The following CPZ variants were observed in gnomAD, a reference collection of about 807,000 sequenced individuals.
CPZ encodes carboxypeptidase Z.
Under a neutral mutation model 61.8 loss-of-function variants are expected in CPZ, and 103 were observed. The ratio of observed to expected loss-of-function variants is 1.67; its 90% CI spans 1.42 to 1.96. CPZ has a LOEUF of 1.96. Among genes scored for constraint, CPZ ranks in the 30% most tolerant of loss-of-function variants. CPZ has a pLI of 0.00. For missense variants in CPZ, 1,461 were observed against 914.9 expected (o/e 1.60, Z -7.70); for synonymous variants, 551 against 373.7 (o/e 1.47, Z -5.47).
rs1424535646 is a variant in CPZ at position 8,606,606 on chromosome 4, G to C, written c.907-131G>C. The C allele has an allele frequency of 3.4e-6, 4 of 1,169,788 alleles. No individual in the cohort carries two copies. The African/African-American group carries it at 6.0e-5, about 18-fold the overall frequency. 72.5% of individuals were successfully genotyped at this position (1,169,788 alleles called of 1,614,324 possible). The stretch of plus-strand genomic sequence containing the variant: ...GAGGCCAAGGGTCAGGCATGCCCCC[G>C]AGCTCATCACATAAAGCCGGGGGAA... On this transcript the variant is annotated intron_variant, in intron 5 of 10. Transcript: ENST00000360986.
chr4:8,596,128 T>G (rs1238386726), intron 1 of CPZ, among the ~76,000 whole-genome samples: 1 of 152,046 alleles, frequency 6.6e-6, no homozygotes, highest in African/African-American at 2.4e-5. Context: ...CTTGGCTCAC[T>G]GCAACCTCCA....
At chr4:8,605,958 T>C (rs746298338) in intron 4 of CPZ, 31 bp from the exon 5 acceptor site, 3 of 1,594,064 alleles carry the variant, frequency 1.9e-6, no homozygotes, top group East Asian at 4.5e-5. Context: ...GGCTTTGAGA[T>C]GATGCCCCAA....
chr4:8,609,278 C>T (rs1488289210), intron 7 of CPZ, among the ~76,000 whole-genome samples: 2 of 124,196 alleles, frequency 1.6e-5, no homozygotes, highest in Admixed American at 7.7e-5. Flanking sequence ...TTCATTCACA[C>T]ACTAATTTTC....
chr4:8,595,519 G>C (rs1286256693), intron 1 of CPZ, among the ~76,000 whole-genome samples: 1 of 152,218 alleles, frequency 6.6e-6, no homozygotes, highest in Non-Finnish European at 1.5e-5. Flanking sequence ...GGCAAAACCA[G>C]AGGCCTACGG....
intron 9 of CPZ, among the ~76,000 whole-genome samples, chr4:8,615,145 CCTGA>C (rs1716056423): frequency 6.6e-6 from 1 of 151,950 alleles, no homozygotes; most frequent in Non-Finnish European, 1.5e-5. Flanking sequence ...GGCAGGGCGT[CCTGA>C]CTGAGGGGTG....
rs140745780 is a variant in CPZ, at chr4:8,612,053, C to T, written c.1254C>T (p.Tyr418=). The change falls in exon 8 of 11, where the codon TAC becomes TAT. Residue 418 remains tyrosine, a synonymous_variant. Transcript: ENST00000360986. The part of the protein sequence containing the change: ...EKMFKLLSRA[Y]ADVHPMMMDR... ...TGTTCAAGCTGCTGTCCAGAGCCTA[C>T]GCTGACGTCCACCCCATGATGATGG... The T allele has an allele frequency of 4.8e-4, 780 of 1,613,950 alleles. 1 individual carries two copies. The African/African-American group carries it at 6.3e-3, about 13-fold the overall frequency.
intron 4 of CPZ, among the ~76,000 whole-genome samples, chr4:8,604,968 C>G (rs1401640799): frequency 6.6e-6 from 1 of 152,230 alleles, no homozygotes; most frequent in Non-Finnish European, 1.5e-5. Context: ...CCCTGGCCCC[C>G]AAGGCTCACT....
At chr4:8,595,744 T>A (rs9283692) in intron 1 of CPZ, among the ~76,000 whole-genome samples, 2,066 of 152,328 alleles carry the variant, frequency 0.014, 45 homozygotes, top group African/African-American at 0.047. Flanking sequence ...AATGGGAGCG[T>A]ACTTGGAAAC....
intron 4 of CPZ, among the ~76,000 whole-genome samples, chr4:8,605,598 TCATCCATCCATC>T (rs200204306): frequency 0.014 from 1,970 of 141,430 alleles, 25 homozygotes; most frequent in Admixed American, 0.028. Flanking sequence ...CAGCCATTAT[TCATCCATCCATC>T]CATCCATCCA....
At chr4:8,592,944 C>G in intron 1 of CPZ, 23 bp downstream of exon 1, 1 of 1,476,296 alleles carries the variant, frequency 6.8e-7, no homozygotes, top group Non-Finnish European at 9.1e-7. Context: ...CCTGCCCCCA[C>G]CCTCCACCCT....
chr4:8,599,813 G>T (rs1392584930), intron 2 of CPZ: 5 of 358,282 alleles, frequency 1.4e-5, no homozygotes, highest in Non-Finnish European at 2.5e-5. Context: ...ATGGTCACTG[G>T]CTCTGTGCCG....
intron 1 of CPZ, chr4:8,597,542 T>C (rs555154612): frequency 6.6e-6 from 1 of 152,078 alleles, no homozygotes; most frequent in Admixed American, 6.6e-5. Flanking sequence ...GGACTCAAGC[T>C]CCTCTGTGCT....
chr4:8,600,043 G>C (rs1463253831), intron 2 of CPZ: 1 of 152,422 alleles, frequency 6.6e-6, no homozygotes, highest in African/African-American at 2.4e-5. Flanking sequence ...TTGGGCATCT[G>C]GTGTATTCTA....
At chr4:8,618,348 C>T in intron 9 of CPZ, 81 bp from the exon 10 acceptor site, 1 of 1,336,900 alleles carries the variant, frequency 7.5e-7, no homozygotes. Context: ...CTCTGAGGAG[C>T]ATGTGGGGAA....
intron 1 of CPZ, among the ~76,000 whole-genome samples, chr4:8,598,863 G>A (rs114813542): frequency 0.016 from 2,371 of 152,302 alleles, 63 homozygotes; most frequent in African/African-American, 0.053. Flanking sequence ...GGTTTTGTGT[G>A]TTGATCCTTT....
At chr4:8,614,623 C>T (rs545821033) in intron 9 of CPZ, 125 bp downstream of exon 9, 95 of 1,026,824 alleles carry the variant, frequency 9.3e-5, no homozygotes, top group South Asian at 1.8e-4. Context: ...TTTGCCACCA[C>T]TTGTTTTGGG....
intron 3 of CPZ, chr4:8,603,739 T>C: frequency 1.7e-6 from 1 of 573,406 alleles, no homozygotes; most frequent in Non-Finnish European, 3.1e-6. Context: ...CCCCATAGTA[T>C]GTTTACTCAC....
At chr4:8,612,999 T>C (rs911353238) in intron 8 of CPZ, among the ~76,000 whole-genome samples, 4 of 152,210 alleles carry the variant, frequency 2.6e-5, no homozygotes, top group East Asian at 1.9e-4. Context: ...GCACCTGTGA[T>C]CTTTCCCTGG....
chr4:8,608,641 C>CGTGTGTGTGTGTGTGTATGCCT lies in CPZ; in HGVS notation c.1227+1223_1227+1224insTGTGTGTGTATGCCTGTGTGTG, dbSNP rs57341669. On this transcript the variant is annotated intron_variant, in intron 7 of 10. Coordinates refer to ENST00000360986, the MANE Select transcript of CPZ (RefSeq NM_001014447.3). The stretch of plus-strand genomic sequence containing the variant: ...GGGCTGCAGGAGGGCTGTGAGTGCA[C>CGTGTGTGTGTGTGTGTATGCCT]GTGTGTGCGTGTGCATGCATGTGCA... Among the ~76,000 whole-genome samples, 662 of 151,528 alleles carry CGTGTGTGTGTGTGTGTATGCCT rather than the reference C, an allele frequency of 4.4e-3. 4 individuals are homozygous for CGTGTGTGTGTGTGTGTATGCCT. The highest frequency in any genetic ancestry group is 0.014 in the African/African-American group (583 of 41,272).
Sources: gnomAD v4.1 joint callset for allele counts (sites outside exome capture counted in the v4.1 genomes callset) on GRCh38, gnomAD v4.1.1 for gene constraint, MANE v1.5 for transcripts, NCBI Gene and HGNC (gene_info 2026-07-23, HGNC 2026-07-21) for gene names.